Variants in GTF2IRD1 observed in about 807,000 individuals in gnomAD.
GTF2IRD1 encodes the protein general transcription factor II-I repeat domain-containing protein 1.
Under a neutral mutation model 113.2 loss-of-function variants are expected in GTF2IRD1, and 26 were observed. The ratio of observed to expected loss-of-function variants is 0.23; its 90% CI spans 0.17 to 0.32. GTF2IRD1 has a LOEUF of 0.32. Ranked by LOEUF, GTF2IRD1 falls within the 10% of genes least tolerant of loss-of-function variation. GTF2IRD1 has a pLI of 1.00. For missense variants in GTF2IRD1, 864 were observed against 1,280.8 expected, an observed-to-expected ratio of 0.67 and a Z score of 4.97; for synonymous variants, 484 against 529.1, an observed-to-expected ratio of 0.91 and a Z score of 1.17.
At position 74,524,058 on chromosome 7, in the gene GTF2IRD1, T is replaced by G; in HGVS notation, c.1007-13T>G. 1 of 1,595,990 alleles carries G rather than the reference T, an allele frequency of 6.3e-7. No individual in the cohort carries two copies. The highest frequency in any genetic ancestry group is 8.6e-7 in the Non-Finnish European group (1 of 1,165,474). On this transcript the variant is annotated splice_polypyrimidine_tract_variant and intron_variant, in intron 7 of 26. Transcript: ENST00000424337. ...TGGGGCCCTGCTCACTTGTGCCTCC[T>G]GTGTTTTGATAGAGAAGTGGGACGC...
At chr7:74,556,042 G>A (rs1325398170) in intron 19 of GTF2IRD1, among the ~76,000 whole-genome samples, 1 of 152,074 alleles carries the variant, frequency 6.6e-6, no homozygotes, top group African/African-American at 2.4e-5. Flanking sequence ...TTGAGGCCAG[G>A]AGTTCAAGAC....
At chr7:74,469,798 G>T (rs1554331872) in intron 1 of GTF2IRD1, among the ~76,000 whole-genome samples, 1 of 151,808 alleles carries the variant, frequency 6.6e-6, no homozygotes, top group Admixed American at 6.6e-5. Context: ...CAAACTCCTG[G>T]GTTCAAGGGA....
chr7:74,585,268 C>T (rs587690830), intron 22 of GTF2IRD1, among the ~76,000 whole-genome samples: 13 of 151,444 alleles, frequency 8.6e-5, no homozygotes, highest in East Asian at 7.9e-4. Context: ...TGCACCACCA[C>T]GCCCAGCTAA....
intron 1 of GTF2IRD1, among the ~76,000 whole-genome samples, chr7:74,478,846 A>G (rs1794574397): frequency 6.6e-6 from 1 of 151,650 alleles, no homozygotes; most frequent in South Asian, 2.1e-4. Flanking sequence ...CCTGGGCCCA[A>G]GCAACCCTCC....
chr7:74,513,305 A>AT (rs113746423), intron 3 of GTF2IRD1, among the ~76,000 whole-genome samples: 8 of 150,388 alleles, frequency 5.3e-5, no homozygotes, highest in Non-Finnish European at 7.4e-5. Context: ...TGCCAACACA[A>AT]TTTTTTTTTT....
chr7:74,560,614 T>G (rs1197059131), intron 22 of GTF2IRD1, among the ~76,000 whole-genome samples: 1 of 150,814 alleles, frequency 6.6e-6, no homozygotes, highest in Non-Finnish European at 1.5e-5. Context: ...AGACCAAGTC[T>G]CACTTTGTTG....
chr7:74,518,512 G>A (rs1273224092), intron 5 of GTF2IRD1, among the ~76,000 whole-genome samples, 190 bp downstream of exon 5: 1 of 152,204 alleles, frequency 6.6e-6, no homozygotes, highest in East Asian at 1.9e-4. Context: ...TCTGAGCCAG[G>A]TCATTAAGCC....
At chr7:74,516,912 C>T (rs1362155765) in intron 4 of GTF2IRD1, among the ~76,000 whole-genome samples, 1 of 152,154 alleles carries the variant, frequency 6.6e-6, no homozygotes. Context: ...AGTCCTCAGT[C>T]CCCAGCCTGC....
chr7:74,540,844 A>G (rs1798594048), intron 14 of GTF2IRD1, among the ~76,000 whole-genome samples: 1 of 151,802 alleles, frequency 6.6e-6, no homozygotes, highest in African/African-American at 2.4e-5. Flanking sequence ...GCGCGATCTC[A>G]GCTCACTGCA....
intron 9 of GTF2IRD1, among the ~76,000 whole-genome samples, chr7:74,533,776 G>A (rs1393691513): frequency 1.3e-5 from 2 of 152,146 alleles, no homozygotes; most frequent in Non-Finnish European, 2.9e-5. Context: ...GCTCTTGTCT[G>A]TAATCCCAGC....
intron 25 of GTF2IRD1, among the ~76,000 whole-genome samples, chr7:74,596,835 G>A (rs1328649259): frequency 6.6e-6 from 1 of 152,198 alleles, no homozygotes; most frequent in African/African-American, 2.4e-5. Context: ...GCCCGACCCT[G>A]CTTCAGTTCT....
At chr7:74,560,443 A>AG (rs1228064209) in intron 22 of GTF2IRD1, among the ~76,000 whole-genome samples, 5 of 147,886 alleles carry the variant, frequency 3.4e-5, no homozygotes, top group Non-Finnish European at 6.0e-5. Context: ...TTTTAAAAAA[A>AG]TATTTTATAT....
intron 1 of GTF2IRD1, among the ~76,000 whole-genome samples, chr7:74,463,262 G>T (rs1007017008): frequency 6.6e-6 from 1 of 152,134 alleles, no homozygotes; most frequent in Non-Finnish European, 1.5e-5. Context: ...TTGAGACAGG[G>T]TCTCGTTCTG....
chr7:74,523,766 G>C (rs911818015), intron 7 of GTF2IRD1, among the ~76,000 whole-genome samples: 4 of 152,030 alleles, frequency 2.6e-5, no homozygotes, highest in Non-Finnish European at 5.9e-5. Flanking sequence ...TCTGCTGAAG[G>C]GACTGCTCTT....
intron 1 of GTF2IRD1, among the ~76,000 whole-genome samples, chr7:74,495,106 A>T (rs1178533984): frequency 1.3e-5 from 2 of 152,236 alleles, no homozygotes; most frequent in Non-Finnish European, 2.9e-5. Context: ...ACCAGAGAAG[A>T]GGGCCCTGGG....
chr7:74,500,667 G>A (rs781865174), intron 1 of GTF2IRD1, among the ~76,000 whole-genome samples: 6 of 152,034 alleles, frequency 3.9e-5, no homozygotes, highest in African/African-American at 1.2e-4. Flanking sequence ...TCTCATACAC[G>A]CACACCCGTC....
rs183378103 is a variant in GTF2IRD1, at chr7:74,590,819, C to A, written c.2399-6C>A. ...TTTCCTCACTGTGACTTCCTGTGCC[C>A]TCTAGGTGAGGCCCTGGGCCTGAAC... On this transcript the variant is annotated splice_polypyrimidine_tract_variant and splice_region_variant and intron_variant, in intron 23 of 26. Transcript: ENST00000424337. The A allele has an allele frequency of 5.0e-6, 8 of 1,584,456 alleles. No homozygotes were observed. The Admixed American group carries it at 1.4e-4, about 28-fold the overall frequency.
chr7:74,456,691 A>T (rs1584433394), intron 1 of GTF2IRD1, among the ~76,000 whole-genome samples: 1 of 151,906 alleles, frequency 6.6e-6, no homozygotes, highest in African/African-American at 2.4e-5. Flanking sequence ...TAAAAAAAAA[A>T]AAAGAAAAAA....
At chr7:74,502,783 C>A (rs1234089603) in intron 1 of GTF2IRD1, among the ~76,000 whole-genome samples, 3 of 152,166 alleles carry the variant, frequency 2.0e-5, no homozygotes, top group Non-Finnish European at 4.4e-5. Context: ...GGAAGCTGAG[C>A]TTCTTGGAGT....
Sources: gnomAD v4.1 joint callset for allele counts (sites outside exome capture counted in the v4.1 genomes callset) on GRCh38, gnomAD v4.1.1 for gene constraint, MANE v1.5 for transcripts, NCBI Gene and HGNC (gene_info 2026-07-23, HGNC 2026-07-21) for gene names.